The following HNRNPUL2 variants were observed in gnomAD, a reference collection of about 807,000 sequenced individuals.
HNRNPUL2 encodes heterogeneous nuclear ribonucleoprotein U like 2.
HNRNPUL2 carries 27 observed loss-of-function variants against 102.2 expected under a neutral mutation model. The observed-to-expected ratio is 0.26, with a 90% confidence interval of 0.19 to 0.36. HNRNPUL2 has a LOEUF of 0.36. Ranked by LOEUF, HNRNPUL2 falls within the 10% of genes least tolerant of loss-of-function variation. HNRNPUL2 has a pLI of 1.00. For missense variants in HNRNPUL2, 936 were observed against 981.1 expected (o/e 0.95, Z 0.61); for synonymous variants, 458 against 387.2 (o/e 1.18, Z -2.15).
intron 10 of HNRNPUL2, among the ~76,000 whole-genome samples, chr11:62,718,101 T>C (rs1034506463): frequency 5.3e-5 from 8 of 152,110 alleles, no homozygotes; most frequent in African/African-American, 1.9e-4. Context: ...ATCTGGCTCA[T>C]AGATATGCAA....
intron 8 of HNRNPUL2, 139 bp from the exon 9 acceptor site, chr11:62,721,562 G>A (rs979242685): frequency 5.6e-6 from 5 of 892,062 alleles, no homozygotes; most frequent in South Asian, 3.4e-5. Flanking sequence ...CTTCAGTGCT[G>A]TGAATGTTGT....
rs2083749512 is a variant in HNRNPUL2, at chr11:62,726,564, T to C, written c.538+55A>G. ...GACCCTGCGGTGCAGGGCGGGGTGC[T>C]AGATCAGGGGCGCAGCCGGCAGGTT... On this transcript the variant is annotated intron_variant, in intron 1 of 13. Coordinates refer to ENST00000301785, the MANE Select transcript of HNRNPUL2 (RefSeq NM_001079559.3). 6 of 1,460,772 alleles carry C rather than the reference T, an allele frequency of 4.1e-6. No individual in the cohort carries two copies. The South Asian group carries it at 5.4e-5, about 13-fold the overall frequency. The allele number at this position is 1,460,772 out of a possible 1,614,324, so 90.5% of individuals were successfully genotyped here. A position where few individuals can be genotyped will look rare whatever the true frequency, so the allele number is the denominator to read the frequency against.
Position 62,720,047 on chromosome 11 carries a change from C to T in HNRNPUL2, c.1756G>A (p.Glu586Lys). The change falls in exon 10 of 14, where the codon GAA becomes AAA. Residue 586 changes from glutamate to lysine, a missense_variant. By Grantham distance (56) the Glu-to-Lys change is moderately conservative. This residue lies in a region of HNRNPUL2 where 609 missense variants were observed against 713.0 expected (regional missense o/e 0.85). Transcript: ENST00000301785. ...CCTTTCATCTCCAGCATTATAGATTCAGGCACATCATCTCCCTCTACTTCC... is the reference window on the plus strand; with the variant it reads ...CCTTTCATCTCCAGCATTATAGATTTAGGCACATCATCTCCCTCTACTTCC... ...RKEVEGDDVP[E>K]SIMLEMKANF... The T allele has an allele frequency of 1.9e-6, 3 of 1,614,198 alleles. No individual in the cohort carries two copies. The highest frequency in any genetic ancestry group is 2.5e-6 in the Non-Finnish European group (3 of 1,180,020).
chr11:62,727,061 C>T lies in HNRNPUL2; in HGVS notation c.96G>A (p.Arg32=), dbSNP rs781078951. Residue 32 remains arginine, a synonymous_variant, in exon 1 of 14, where the codon CGG becomes CGA. Coordinates refer to ENST00000301785, the MANE Select transcript of HNRNPUL2 (RefSeq NM_001079559.3). ...TCTCGGCGTCCAGCGCCTCCTGCAG[C>T]CGCTGCGCCAGATCCACCTTGAGGC... The part of the protein sequence containing the change: ...SRGLKVDLAQ[R]LQEALDAEML... 5.9e-5 allele frequency: 84 copies of T among 1,425,804 alleles called. No individual in the cohort carries two copies. Among genetic ancestry groups the T allele is most frequent in the Non-Finnish European group, 3.2e-5 (35 of 1,089,094 alleles). The allele number at this position is 1,425,804 out of a possible 1,614,324, so 88.3% of individuals were successfully genotyped here.
intron 9 of HNRNPUL2, among the ~76,000 whole-genome samples, chr11:62,720,530 G>C (rs1392918039): frequency 7.6e-6 from 1 of 131,016 alleles, no homozygotes; most frequent in Non-Finnish European, 1.6e-5. Flanking sequence ...GGTGGCGGCT[G>C]AGCAAGATTC....
chr11:62,718,467 G>A (rs754851944), intron 10 of HNRNPUL2, among the ~76,000 whole-genome samples: 1 of 151,960 alleles, frequency 6.6e-6, no homozygotes, highest in African/African-American at 2.4e-5. Flanking sequence ...TTGGGAGGCC[G>A]AGGCGGGCAG....
At position 62,714,755 on chromosome 11, in the gene HNRNPUL2, G is replaced by A. The variant is rs931527316; in HGVS notation, c.*544C>T. ...TAAAGAAAATACAAACGGTTAGTTG[G>A]TGCAAGTGATTGATAAGAGCCAATC... On this transcript the variant is annotated 3_prime_UTR_variant, in exon 14 of 14. Transcript: ENST00000301785. The A allele has an allele frequency of 3.9e-5, 6 of 153,108 alleles. No homozygotes were observed. Among genetic ancestry groups the A allele is most frequent in the African/African-American group, 1.4e-4 (6 of 41,450 alleles). 9.5% of individuals were successfully genotyped at this position (153,108 alleles called of 1,614,324 possible). A position where few individuals can be genotyped will look rare whatever the true frequency, so the allele number is the denominator to read the frequency against.
Position 62,713,525 on chromosome 11 carries a change from G to A in HNRNPUL2, c.*1774C>T, listed in dbSNP as rs2083634816. The A allele has an allele frequency of 6.6e-6, 1 of 152,216 alleles. No individual in the cohort carries two copies. Among genetic ancestry groups the A allele is most frequent in the Non-Finnish European group, 1.5e-5 (1 of 68,050 alleles). 9.4% of individuals were successfully genotyped at this position (152,216 alleles called of 1,614,324 possible). A position where few individuals can be genotyped will look rare whatever the true frequency, so the allele number is the denominator to read the frequency against. On this transcript the variant is annotated 3_prime_UTR_variant, in exon 14 of 14. Coordinates refer to ENST00000301785, the MANE Select transcript of HNRNPUL2 (RefSeq NM_001079559.3). ...GCCAAGAGAAAGGACATGACTATGA[G>A]TAAGCAAACTTATCTCCTACCAGCC...
At position 62,727,173 on chromosome 11, in the gene HNRNPUL2, TC is replaced by T; in HGVS notation, c.-18del. Reference sequence around the variant, plus strand: ...CACCTCCATCGCCGCCGCCGCCTCCTCCGCCTCCCGCCGCCTCCTCCCCTGC... The same window carrying T: ...CACCTCCATCGCCGCCGCCGCCTCCTCGCCTCCCGCCGCCTCCTCCCCTGC... On this transcript the variant is annotated 5_prime_UTR_variant, in exon 1 of 14. Coordinates refer to ENST00000301785, the MANE Select transcript of HNRNPUL2 (RefSeq NM_001079559.3). The T allele has an allele frequency of 7.1e-7, 1 of 1,401,986 alleles. No homozygotes were observed. Among genetic ancestry groups the T allele is most frequent in the Non-Finnish European group, 9.3e-7 (1 of 1,077,366 alleles). 86.8% of individuals were successfully genotyped at this position (1,401,986 alleles called of 1,614,324 possible).
At chr11:62,720,845 C>A (rs1293950737) in intron 9 of HNRNPUL2, among the ~76,000 whole-genome samples, 1 of 123,008 alleles carries the variant, frequency 8.1e-6, no homozygotes, top group Non-Finnish European at 1.6e-5. Context: ...GCCTGGGCGA[C>A]AGAGCGAGAC....
Position 62,727,228 on chromosome 11 carries a change from GCGCCGCCGC to G in HNRNPUL2, c.-81_-73del. 3.9e-6 allele frequency: 5 copies of G among 1,298,120 alleles called. No individual in the cohort carries two copies. Among genetic ancestry groups the G allele is most frequent in the Non-Finnish European group, 4.9e-6 (5 of 1,025,676 alleles). The allele number at this position is 1,298,120 out of a possible 1,614,324, so 80.4% of individuals were successfully genotyped here. A position where few individuals can be genotyped will look rare whatever the true frequency, so the allele number is the denominator to read the frequency against. On this transcript the variant is annotated 5_prime_UTR_variant, in exon 1 of 14. Transcript: ENST00000301785. Reference sequence around the variant, plus strand: ...CCGTCGACCGAGTCCGACCGCGCAGGCGCCGCCGCCGCCGCCCGCCTCCGCCTCACGCGC... The same window carrying G: ...CCGTCGACCGAGTCCGACCGCGCAGGCGCCGCCCGCCTCCGCCTCACGCGC...
chr11:62,723,817 CAA>C, intron 3 of HNRNPUL2, 91 bp from the exon 4 acceptor site: 2 of 1,598,560 alleles, frequency 1.3e-6, no homozygotes, highest in Non-Finnish European at 1.7e-6. Flanking sequence ...GTAGTGGATA[CAA>C]AGTCTCATAG....
In HNRNPUL2 at chr11:62,717,046, G is replaced by A. The variant is rs1027771231; in HGVS notation, c.1924C>T (p.Arg642Cys). 2 of 1,614,004 alleles carry A rather than the reference G, an allele frequency of 1.2e-6. No homozygotes were observed. Among genetic ancestry groups the A allele is most frequent in the Non-Finnish European group, 1.7e-6 (2 of 1,179,994 alleles). Residue 642 changes from arginine to cysteine, a missense_variant, in exon 11 of 14, where the codon CGC becomes TGC. Arg to Cys is a radical substitution (Grantham distance 180). Around this residue, in one of 2 missense-constraint regions of HNRNPUL2, gnomAD observed 609 missense variants for 713.0 expected, o/e 0.85. Transcript: ENST00000301785. ...LLPPSEKRTN[R>C]RNNRNKRNRQ... Reference sequence around the variant, plus strand: ...TTACGCTTGTTTCGGTTGTTTCGGCGATTTGTCCGCTTCTCGGAGGGGGGC... The same window carrying A: ...TTACGCTTGTTTCGGTTGTTTCGGCAATTTGTCCGCTTCTCGGAGGGGGGC...
At position 62,724,436 on chromosome 11, in the gene HNRNPUL2, C is replaced by G. The variant is rs200203108; in HGVS notation, c.539-10G>C. 6.2e-7 allele frequency: 1 copy of G among 1,613,948 alleles called. No homozygotes were observed. Among genetic ancestry groups the G allele is most frequent in the Non-Finnish European group, 8.5e-7 (1 of 1,179,986 alleles). On this transcript the variant is annotated splice_polypyrimidine_tract_variant and intron_variant, in intron 1 of 13. Coordinates refer to ENST00000301785, the MANE Select transcript of HNRNPUL2 (RefSeq NM_001079559.3). Reference sequence around the variant, plus strand: ...CTATCCTGGTCATCTCCTACAAAAACGAGGGAAAGAAAATCAGCAGTTTTC... The same window carrying G: ...CTATCCTGGTCATCTCCTACAAAAAGGAGGGAAAGAAAATCAGCAGTTTTC...
At chr11:62,720,675 T>C (rs1018597660) in intron 9 of HNRNPUL2, among the ~76,000 whole-genome samples, 1 of 151,432 alleles carries the variant, frequency 6.6e-6, no homozygotes, top group Non-Finnish European at 1.5e-5. Flanking sequence ...GCATCCTGGC[T>C]AACACGATGA....
At chr11:62,725,534 T>G (rs2083738784) in intron 1 of HNRNPUL2, among the ~76,000 whole-genome samples, 1 of 152,194 alleles carries the variant, frequency 6.6e-6, no homozygotes, top group Non-Finnish European at 1.5e-5. Flanking sequence ...CTCTTTGGGA[T>G]ATACATAAGT....
intron 10 of HNRNPUL2, among the ~76,000 whole-genome samples, chr11:62,719,387 G>A (rs1037372933): frequency 3.3e-5 from 5 of 152,166 alleles, no homozygotes; most frequent in East Asian, 1.9e-4. Flanking sequence ...GGAGGTGGAC[G>A]TTGCAGTGAG....
At chr11:62,720,829 A>G (rs2083696184) in intron 9 of HNRNPUL2, among the ~76,000 whole-genome samples, 1 of 132,456 alleles carries the variant, frequency 7.5e-6, no homozygotes, top group Non-Finnish European at 1.5e-5. Flanking sequence ...GCGCCACTGC[A>G]CTCCAGCCTG....
chr11:62,724,192 C>T, intron 2 of HNRNPUL2, 99 bp downstream of exon 2: 2 of 1,482,550 alleles, frequency 1.3e-6, no homozygotes, highest in Non-Finnish European at 1.9e-6. Flanking sequence ...AAACCTATTC[C>T]ATTTTGAATC....
Sources: allele counts gnomAD v4.1 joint callset (sites outside exome capture counted in the v4.1 genomes callset), GRCh38; gene constraint gnomAD v4.1.1; regional missense constraint gnomAD v4.1.1; transcripts MANE v1.5; gene names NCBI Gene and HGNC (gene_info 2026-07-23, HGNC 2026-07-21).